NLGN4X: variants seen among roughly 807,000 people sequenced by gnomAD.
The protein encoded by NLGN4X is neuroligin-4, X-linked.
Under a neutral mutation model 40.3 loss-of-function variants are expected in NLGN4X, and 3 were observed. The ratio of observed to expected loss-of-function variants is 0.07; its 90% CI spans 0.03 to 0.19. The LOEUF is 0.19. NLGN4X is among the 10% of genes least tolerant of loss of function. The probability of loss-of-function intolerance (pLI) is 1.00; values close to 1 mark genes in which losing one functional copy is unlikely to be tolerated. For synonymous variants in NLGN4X, 270 were observed against 306.8 expected (o/e 0.88, Z 1.25); for missense variants, 382 against 708.3 (o/e 0.54, Z 5.23).
chrX:6,002,757 G>A (rs2036002273), intron 3 of NLGN4X, among the ~76,000 whole-genome samples: 1 of 111,375 alleles, frequency 9.0e-6, no homozygotes, highest in Non-Finnish European at 1.9e-5. Flanking sequence ...ACCACCCATG[G>A]CCTGCCCTGC....
At chrX:5,931,924 T>C (rs2033558310) in intron 3 of NLGN4X, among the ~76,000 whole-genome samples, 1 of 111,545 alleles carries the variant, frequency 9.0e-6, no homozygotes, top group Non-Finnish European at 1.9e-5. Context: ...AGTATTAAGT[T>C]CACTCTTGTC....
chrX:6,107,586 G>A (rs932246279), intron 2 of NLGN4X, among the ~76,000 whole-genome samples: 1 of 111,536 alleles, frequency 9.0e-6, no homozygotes, highest in East Asian at 2.8e-4. Context: ...GGGTGCATGT[G>A]CAGGTTTCTT....
chrX:6,123,233 G>A (rs2039463801), intron 2 of NLGN4X, among the ~76,000 whole-genome samples: 1 of 111,658 alleles, frequency 9.0e-6, no homozygotes, highest in African/African-American at 3.3e-5. Flanking sequence ...TTTTTCCAAG[G>A]AGAAAAAGCA....
At chrX:6,057,655 T>C (rs1442636106) in intron 2 of NLGN4X, among the ~76,000 whole-genome samples, 1 of 112,221 alleles carries the variant, frequency 8.9e-6, no homozygotes, top group Non-Finnish European at 1.9e-5. Flanking sequence ...GCTGTGGTCA[T>C]TGTTACAGAC....
intron 3 of NLGN4X, among the ~76,000 whole-genome samples, chrX:5,991,080 T>C (rs1227687422): frequency 8.9e-6 from 1 of 111,780 alleles, no homozygotes; most frequent in African/African-American, 3.2e-5. Flanking sequence ...CTAAGATGGC[T>C]TGCAACAAGG....
Position 6,151,705 on chromosome X carries a change from T to C in NLGN4X, c.-239A>G. The C allele has an allele frequency of 2.4e-6, 1 of 422,660 alleles. No homozygotes were observed. The highest frequency in any genetic ancestry group is 3.9e-5 in the East Asian group (1 of 25,673). The allele number at this position is 422,660 out of a possible 1,213,427, so 34.8% of individuals were successfully genotyped here. Reference sequence around the variant, plus strand: ...TGAAACTGGATTCCAGCAACTGCAATGCTCCAAGGAAGCTGTGATCATCCA... The same window carrying C: ...TGAAACTGGATTCCAGCAACTGCAACGCTCCAAGGAAGCTGTGATCATCCA... On this transcript the variant is annotated 5_prime_UTR_variant, in exon 2 of 6. Coordinates refer to ENST00000381095, the MANE Select transcript of NLGN4X (RefSeq NM_181332.3).
At chrX:6,105,198 T>C (rs1394741404) in intron 2 of NLGN4X, among the ~76,000 whole-genome samples, 14 of 110,109 alleles carry the variant, frequency 1.3e-4, no homozygotes, top group African/African-American at 4.6e-4. Flanking sequence ...GTAGCTGGGA[T>C]TATAGGTGTG....
chrX:6,071,883 G>A (rs778022889), intron 2 of NLGN4X, among the ~76,000 whole-genome samples: 2 of 110,908 alleles, frequency 1.8e-5, no homozygotes, highest in Non-Finnish European at 3.8e-5. Context: ...TTGCCAATGT[G>A]ATCCTTCCAC....
chrX:6,116,441 C>T (rs912500607), intron 2 of NLGN4X, among the ~76,000 whole-genome samples: 17 of 50,908 alleles, frequency 3.3e-4, no homozygotes, highest in East Asian at 3.0e-3. Flanking sequence ...TTTGAGACAG[C>T]GTCTCACTCT....
chrX:6,018,108 C>A (rs1357287535), intron 3 of NLGN4X, among the ~76,000 whole-genome samples: 1 of 110,969 alleles, frequency 9.0e-6, no homozygotes, highest in African/African-American at 3.3e-5. Context: ...GTGTGCATCA[C>A]AAGGGCAAAC....
Position 6,203,392 on chromosome X carries a change from T to C in NLGN4X, c.-306+25149A>G, listed in dbSNP as rs189882790. 4.5e-3 allele frequency among the ~76,000 whole-genome samples: 503 copies of C among 112,441 alleles called. 2 individuals are homozygous for C. The highest frequency in any genetic ancestry group is 0.016 in the African/African-American group (487 of 30,962). On this transcript the variant is annotated intron_variant, in intron 1 of 5. Coordinates refer to ENST00000381095, the MANE Select transcript of NLGN4X (RefSeq NM_181332.3). ...GCTTCTGAGATGGCCAACTGACACCTGCAATTAACACCTTCCTGGAATCCT... is the reference window on the plus strand; with the variant it reads ...GCTTCTGAGATGGCCAACTGACACCCGCAATTAACACCTTCCTGGAATCCT...
At chrX:6,119,428 A>G (rs2039372592) in intron 2 of NLGN4X, among the ~76,000 whole-genome samples, 1 of 112,356 alleles carries the variant, frequency 8.9e-6, no homozygotes, top group African/African-American at 3.2e-5. Flanking sequence ...CAAATTCTTA[A>G]TGCAAAAAGC....
intron 1 of NLGN4X, among the ~76,000 whole-genome samples, chrX:6,155,943 G>T (rs1206913810): frequency 8.9e-6 from 1 of 112,277 alleles, no homozygotes; most frequent in Non-Finnish European, 1.9e-5. Flanking sequence ...ATACACCGTT[G>T]GTGAGAACGT....
At chrX:6,012,003 G>A (rs2036265542) in intron 3 of NLGN4X, among the ~76,000 whole-genome samples, 1 of 111,240 alleles carries the variant, frequency 9.0e-6, no homozygotes, top group African/African-American at 3.3e-5. Context: ...ATTTGAATAA[G>A]ACCCTTTTTT....
At chrX:6,063,060 T>C (rs755437329) in intron 2 of NLGN4X, among the ~76,000 whole-genome samples, 3 of 111,037 alleles carry the variant, frequency 2.7e-5, no homozygotes, top group Non-Finnish European at 3.8e-5. Flanking sequence ...TACTCCCACA[T>C]CCCCTTTTCA....
chrX:6,226,256 C>T (rs57503062), intron 1 of NLGN4X, among the ~76,000 whole-genome samples: 46,437 of 105,922 alleles, frequency 0.44, 9,383 homozygotes, highest in African/African-American at 0.75. Flanking sequence ...AGCACATACA[C>T]AAAAAGAGGC....
intron 1 of NLGN4X, among the ~76,000 whole-genome samples, chrX:6,222,722 C>T (rs974025725): frequency 8.9e-6 from 1 of 112,633 alleles, no homozygotes; most frequent in African/African-American, 3.2e-5. Flanking sequence ...TTGTAGCTCC[C>T]ATAATCCCCA....
chrX:5,954,590 G>A (rs753635791), intron 3 of NLGN4X, among the ~76,000 whole-genome samples: 1 of 103,778 alleles, frequency 9.6e-6, no homozygotes, highest in Non-Finnish European at 2.0e-5. Flanking sequence ...CTTGGTCCCT[G>A]GCAATCTCTG....
intron 3 of NLGN4X, among the ~76,000 whole-genome samples, chrX:6,022,472 C>T: frequency 1.8e-5 from 2 of 111,784 alleles, no homozygotes; most frequent in Middle Eastern, 4.6e-3. Flanking sequence ...TAGAGCAACT[C>T]CTCTAACTTC....
Sources: gnomAD v4.1 joint callset for allele counts (sites outside exome capture counted in the v4.1 genomes callset) on GRCh38, gnomAD v4.1.1 for gene constraint, MANE v1.5 for transcripts, NCBI Gene and HGNC (gene_info 2026-07-23, HGNC 2026-07-21) for gene names.